LTA: variants seen among roughly 807,000 people sequenced by gnomAD.
The protein encoded by LTA is lymphotoxin alpha.
Under a neutral mutation model 15.1 loss-of-function variants are expected in LTA, and 6 were observed. The observed-to-expected ratio is 0.40, with a 90% confidence interval of 0.22 to 0.78. The LOEUF (loss-of-function observed/expected upper bound fraction) is 0.78. Ranked by LOEUF, LTA falls within the 30% of genes least tolerant of loss-of-function variation. The pLI is 0.38. For missense variants in LTA, 173 were observed against 249.5 expected (o/e 0.69, Z 2.06); for synonymous variants, 87 against 107.3 (o/e 0.81, Z 1.17).
At chr6:31,571,830 C>G (rs374320774), upstream of LTA, among the ~76,000 whole-genome samples, 3 of 152,140 alleles carry the variant, frequency 2.0e-5, no homozygotes, top group Non-Finnish European at 2.9e-5. Context: ...AGTCCGTATA[C>G]TGGGACAAGT....
At position 31,572,357 on chromosome 6, in the gene LTA, A is replaced by C. The variant is rs2150383896; in HGVS notation, c.-99A>C. On this transcript the variant is annotated 5_prime_UTR_variant, in exon 1 of 4. Transcript: ENST00000418386. The stretch of plus-strand genomic sequence containing the variant: ...CTGCCCGTGCTTCGTGCTTTGGACT[A>C]CCGCCCAGCAGTGTCCTGCCCTCTG... 3.1e-6 allele frequency: 1 copy of C among 322,704 alleles called. No individual in the cohort carries two copies. The highest frequency in any genetic ancestry group is 5.7e-6 in the Non-Finnish European group (1 of 174,190). 20.0% of individuals were successfully genotyped at this position (322,704 alleles called of 1,614,324 possible).
At position 31,573,360 on chromosome 6, in the gene LTA, C is replaced by G. The variant is rs1319611508; in HGVS notation, c.285C>G (p.Ser95Arg). The stretch of plus-strand genomic sequence containing the variant: ...TCCTCCAGGATGGTTTCTCCTTGAG[C>G]AACAATTCTCTCCTGGTCCCCACCA... ...RAFLQDGFSL[S>R]NNSLLVPTSG... Residue 95 changes from serine to arginine, a missense_variant, in exon 4 of 4, where the codon AGC becomes AGG. Physicochemically the swap from Ser to Arg is moderately radical, Grantham distance 110. Transcript: ENST00000418386. 6.2e-7 allele frequency: 1 copy of G among 1,613,904 alleles called. No homozygotes were observed. The highest frequency in any genetic ancestry group is 1.3e-5 in the African/African-American group (1 of 74,850).
chr6:31,562,342 A>G, the LTA span, among the ~76,000 whole-genome samples: 1 of 152,192 alleles, frequency 6.6e-6, no homozygotes, highest in Non-Finnish European at 1.5e-5. Context: ...TGGTGAACAC[A>G]GAATAACTGA....
chr6:31,573,870 G>T lies in LTA; in HGVS notation c.*177G>T. The stretch of plus-strand genomic sequence containing the variant: ...AAGAAGGAATTCTAGGCATCCCAGG[G>T]GACCACACCTCCCTGAACCATCCCT... On this transcript the variant is annotated 3_prime_UTR_variant, in exon 4 of 4. Transcript: ENST00000418386. 1.3e-6 allele frequency: 1 copy of T among 762,740 alleles called. No individual in the cohort carries two copies. The highest frequency in any genetic ancestry group is 2.3e-6 in the Non-Finnish European group (1 of 440,080). 47.2% of individuals were successfully genotyped at this position (762,740 alleles called of 1,614,324 possible). A position where few individuals can be genotyped will look rare whatever the true frequency, so the allele number is the denominator to read the frequency against.
upstream of LTA, among the ~76,000 whole-genome samples, chr6:31,568,629 A>G (rs1770690724): frequency 6.6e-6 from 1 of 152,174 alleles, no homozygotes. This position sits in a 1 kb window ranked among gnomAD's most constrained non-coding sequence, Gnocchi z 4.1. Context: ...CTCCACAAAG[A>G]CCACTATAAA....
chr6:31,564,127 C>G, the LTA span, among the ~76,000 whole-genome samples: 1 of 152,104 alleles, frequency 6.6e-6, no homozygotes, highest in Non-Finnish European at 1.5e-5. Flanking sequence ...ATAATTCTTC[C>G]AAGTGATGCT....
chr6:31,570,229 C>G (rs1396518555), upstream of LTA, among the ~76,000 whole-genome samples: 2 of 152,102 alleles, frequency 1.3e-5, no homozygotes, highest in Non-Finnish European at 2.9e-5. Context: ...GAAATAATAG[C>G]TAAGACTAGT....
At chr6:31,565,170 C>A in the LTA span, among the ~76,000 whole-genome samples, 4 of 152,100 alleles carry the variant, frequency 2.6e-5, no homozygotes, top group Non-Finnish European at 2.9e-5. Context: ...AAAGAGCAAC[C>A]TTCACCACAG....
At chr6:31,562,690 C>G in the LTA span, among the ~76,000 whole-genome samples, 1 of 151,526 alleles carries the variant, frequency 6.6e-6, no homozygotes, top group Non-Finnish European at 1.5e-5. Context: ...CATGGCAAAA[C>G]CGCATCTCTA....
upstream of LTA, among the ~76,000 whole-genome samples, chr6:31,570,960 G>T (rs1314297684): frequency 6.6e-6 from 1 of 152,056 alleles, no homozygotes; most frequent in Non-Finnish European, 1.5e-5. Context: ...GAGCTGGGTG[G>T]TGGCTACATA....
Position 31,572,720 on chromosome 6 carries a change from C to G in LTA, c.-9-14C>G. On this transcript the variant is annotated splice_polypyrimidine_tract_variant and intron_variant, in intron 1 of 3. Transcript: ENST00000418386. ...CCGCTCACTGTCTCTCTCTCTCTCT[C>G]TCTTTCTCTGCAGGTTCTCCCCATG... is the stretch of plus-strand genomic sequence containing the variant. The G allele has an allele frequency of 6.4e-7, 1 of 1,561,276 alleles. No homozygotes were observed. Among genetic ancestry groups the G allele is most frequent in the East Asian group, 2.2e-5 (1 of 44,652 alleles).
rs777492629 is a variant in LTA at position 31,573,351 on chromosome 6, C to T, written c.276C>T (p.Phe92=). The T allele has an allele frequency of 1.2e-6, 2 of 1,613,976 alleles. No individual in the cohort carries two copies. Among genetic ancestry groups the T allele is most frequent in the African/African-American group, 1.3e-5 (1 of 74,956 alleles). The change falls in exon 4 of 4, where the codon TTC becomes TTT. Residue 92 remains phenylalanine, a synonymous_variant. Coordinates refer to ENST00000418386, the MANE Select transcript of LTA (RefSeq NM_000595.4). ...ACCGTGCCTTCCTCCAGGATGGTTT[C>T]TCCTTGAGCAACAATTCTCTCCTGG... The part of the protein sequence containing the change: ...NTDRAFLQDG[F]SLSNNSLLVP...
At chr6:31,565,562 G>A in the LTA span, among the ~76,000 whole-genome samples, 1 of 152,084 alleles carries the variant, frequency 6.6e-6, no homozygotes, top group African/African-American at 2.4e-5. Flanking sequence ...CTCTAGCTTG[G>A]ACCTTGCCCC....
At chr6:31,566,206 C>T in the LTA span, among the ~76,000 whole-genome samples, 1 of 149,178 alleles carries the variant, frequency 6.7e-6, no homozygotes, top group African/African-American at 2.5e-5. Flanking sequence ...AGGCAAGGCT[C>T]AGTGGCTCAT....
the LTA span, among the ~76,000 whole-genome samples, chr6:31,560,750 G>A: frequency 1.3e-5 from 2 of 152,044 alleles, no homozygotes; most frequent in East Asian, 3.8e-4. Flanking sequence ...GATTGAAGAG[G>A]GTCAGTTTGA....
chr6:31,572,405 A>G lies in LTA; in HGVS notation c.-51A>G. 1 of 483,128 alleles carries G rather than the reference A, an allele frequency of 2.1e-6. No homozygotes were observed. Among genetic ancestry groups the G allele is most frequent in the South Asian group, 2.7e-5 (1 of 37,466 alleles). 29.9% of individuals were successfully genotyped at this position (483,128 alleles called of 1,614,324 possible). ...CTGCCTGGGCCTCGGTCCCTCCTGCACCTGCTGCCTGGATCCCCGGCCTGC... is the reference window on the plus strand; with the variant it reads ...CTGCCTGGGCCTCGGTCCCTCCTGCGCCTGCTGCCTGGATCCCCGGCCTGC... On this transcript the variant is annotated 5_prime_UTR_variant, in exon 1 of 4. Coordinates refer to ENST00000418386, the MANE Select transcript of LTA (RefSeq NM_000595.4).
At chr6:31,566,105 G>C in the LTA span, among the ~76,000 whole-genome samples, 2 of 151,856 alleles carry the variant, frequency 1.3e-5, no homozygotes, top group Non-Finnish European at 2.9e-5. Context: ...TTGAACCTGG[G>C]AGGTGGAAGT....
chr6:31,563,197 C>T, the LTA span, among the ~76,000 whole-genome samples: 1 of 151,820 alleles, frequency 6.6e-6, no homozygotes, highest in African/African-American at 2.4e-5. Context: ...AAAACATAAG[C>T]AAGAAGTGGG....
At chr6:31,565,748 C>T in the LTA span, among the ~76,000 whole-genome samples, 4 of 152,142 alleles carry the variant, frequency 2.6e-5, no homozygotes, top group Admixed American at 2.6e-4. Context: ...TGTTTCTACC[C>T]CTGGAATGTA....
Sources: gnomAD v4.1 joint callset for allele counts (sites outside exome capture counted in the v4.1 genomes callset) on GRCh38, gnomAD v4.1.1 for gene constraint, Gnocchi (gnomAD v3.1) non-coding constraint, MANE v1.5 for transcripts, NCBI Gene and HGNC (gene_info 2026-07-23, HGNC 2026-07-21) for gene names.